ZNF189: variants seen among roughly 807,000 people sequenced by gnomAD.
ZNF189 encodes the protein zinc finger protein 189.
Under a neutral mutation model 53.5 loss-of-function variants are expected in ZNF189, and 33 were observed. The ratio of observed to expected loss-of-function variants is 0.62; its 90% CI spans 0.47 to 0.82. The LOEUF is 0.82. Ranked by LOEUF, ZNF189 falls within the 40% of genes least tolerant of loss-of-function variation. ZNF189 has a pLI of 0.00. For missense variants in ZNF189, 711 were observed against 753.9 expected (o/e 0.94, Z 0.67); for synonymous variants, 247 against 238.8 (o/e 1.03, Z -0.32).
chr9:101,405,774 A>C (rs760744449), intron 2 of ZNF189, among the ~76,000 whole-genome samples: 6 of 152,086 alleles, frequency 3.9e-5, no homozygotes, highest in Non-Finnish European at 5.9e-5. Flanking sequence ...TAACATAAGG[A>C]CTGAAACATG....
chr9:101,408,810 G>A lies in ZNF189; in HGVS notation c.1042G>A (p.Glu348Lys). The A allele has an allele frequency of 1.2e-6, 2 of 1,614,124 alleles. No individual in the cohort carries two copies. The highest frequency in any genetic ancestry group is 1.7e-6 in the Non-Finnish European group (2 of 1,180,028). Residue 348 changes from glutamate to lysine, a missense_variant, in exon 3 of 3, where the codon GAG (glutamate) becomes AAG (lysine). Physicochemically the swap from Glu to Lys is moderately conservative, Grantham distance 56 (BLOSUM62 1). Coordinates refer to ENST00000339664, the MANE Select transcript of ZNF189 (RefSeq NM_003452.4). ...TGGCGAGAAGCCTTTTCTTTGTATTGAGTGTGGAAAAAGTTTCAGTCGGAG... is the reference window on the plus strand; with the variant it reads ...TGGCGAGAAGCCTTTTCTTTGTATTAAGTGTGGAAAAAGTTTCAGTCGGAG... ...HTGEKPFLCI[E>K]CGKSFSRSSF...
chr9:101,402,000 C>T (rs1472721177), intron 2 of ZNF189, among the ~76,000 whole-genome samples: 1 of 152,112 alleles, frequency 6.6e-6, no homozygotes, highest in Admixed American at 6.5e-5. Context: ...CTGCAGCCTC[C>T]ACCTCCTGGG....
intron 2 of ZNF189, among the ~76,000 whole-genome samples, chr9:101,402,147 C>A (rs1465252370): frequency 6.6e-6 from 1 of 152,170 alleles, no homozygotes; most frequent in African/African-American, 2.4e-5. Flanking sequence ...AACTCCCGAT[C>A]TCAGGTGATC....
chr9:101,406,851 T>C (rs1339989817), intron 2 of ZNF189, among the ~76,000 whole-genome samples: 2 of 152,226 alleles, frequency 1.3e-5, no homozygotes, highest in African/African-American at 4.8e-5. Flanking sequence ...CATAGACCAC[T>C]GTGCTGTCTT....
chr9:101,406,948 G>A (rs1233651786), intron 2 of ZNF189, among the ~76,000 whole-genome samples: 2 of 152,146 alleles, frequency 1.3e-5, no homozygotes, highest in Non-Finnish European at 2.9e-5. Flanking sequence ...GTCTTATATT[G>A]TTAGAGGGTT....
rs1200041567 is a variant in ZNF189, at chr9:101,410,132, A to G, written c.*483A>G. ...GCCCAAATGTTTTTAAAACAAGTAT[A>G]CAGTTTTTGTCATTGTTTAAGAAAG... is the stretch of plus-strand genomic sequence containing the variant. On this transcript the variant is annotated 3_prime_UTR_variant, in exon 3 of 3. Coordinates refer to ENST00000339664, the MANE Select transcript of ZNF189 (RefSeq NM_003452.4). The G allele has an allele frequency of 1.9e-5, 3 of 153,862 alleles. No individual in the cohort carries two copies. Among genetic ancestry groups the G allele is most frequent in the Non-Finnish European group, 2.9e-5 (2 of 68,996 alleles). The allele number at this position is 153,862 out of a possible 1,614,324, so 9.5% of individuals were successfully genotyped here. A position where few individuals can be genotyped will look rare whatever the true frequency, so the allele number is the denominator to read the frequency against.
rs1393943735 is a variant in ZNF189 at position 101,399,932 on chromosome 9, T to A, written c.82T>A (p.Trp28Arg). The change falls in exon 2 of 3, where the codon TGG becomes AGG. Residue 28 changes from tryptophan to arginine, a missense_variant. Coordinates refer to ENST00000339664, the MANE Select transcript of ZNF189 (RefSeq NM_003452.4). Reference sequence around the variant, plus strand: ...GGCTGTGTTTTTTACCCAGGAGGAGTGGGATTATCTGGACCCAGCTCAGAG... The same window carrying A: ...GGCTGTGTTTTTTACCCAGGAGGAGAGGGATTATCTGGACCCAGCTCAGAG... ...DVAVFFTQEE[W>R]DYLDPAQRSL... 1 of 1,613,824 alleles carries A rather than the reference T, an allele frequency of 6.2e-7. No homozygotes were observed. Among genetic ancestry groups the A allele is most frequent in the Non-Finnish European group, 8.5e-7 (1 of 1,179,966 alleles).
chr9:101,399,771 A>G, intron 1 of ZNF189, 113 bp from the exon 2 acceptor site: 1 of 1,508,724 alleles, frequency 6.6e-7, no homozygotes, highest in Middle Eastern at 2.0e-4. Context: ...ACTTTCAGTT[A>G]TCATGTTCCT....
At chr9:101,399,751 A>G in intron 1 of ZNF189, 133 bp from the exon 2 acceptor site, 1 of 1,433,976 alleles carries the variant, frequency 7.0e-7, no homozygotes. Context: ...AGAATTGGGC[A>G]ACATATGGAA....
Position 101,407,997 on chromosome 9 carries a change from G to C in ZNF189, c.229G>C (p.Val77Leu). Reference protein sequence around the residue: ...KQEIEEIEEEVEPQGVIVTRI... With the variant: ...KQEIEEIEEELEPQGVIVTRI... ...AGAGATTGAAGAAATTGAGGAAGAAGTGGAACCACAGGGTGTAATAGTTAC... is the reference window on the plus strand; with the variant it reads ...AGAGATTGAAGAAATTGAGGAAGAACTGGAACCACAGGGTGTAATAGTTAC... Residue 77 changes from valine (V) to leucine (L), a missense_variant, in exon 3 of 3, where the codon GTG becomes CTG. Transcript: ENST00000339664. 6.2e-7 allele frequency: 1 copy of C among 1,609,004 alleles called. No individual in the cohort carries two copies. The highest frequency in any genetic ancestry group is 8.5e-7 in the Non-Finnish European group (1 of 1,178,374).
intron 2 of ZNF189, chr9:101,407,612 C>T (rs1281519498): frequency 4.9e-6 from 2 of 410,974 alleles, no homozygotes; most frequent in African/African-American, 4.1e-5. Flanking sequence ...CCAGGCTGGT[C>T]TCAAACTCCT....
rs544987114 is a variant in ZNF189 at position 101,403,857 on chromosome 9, T to C, written c.160+3847T>C. The stretch of plus-strand genomic sequence containing the variant: ...GGATTAGGGCTTCACCATATGAATA[T>C]TTGGTGGGAACACAAACATTCAGTC... On this transcript the variant is annotated intron_variant, in intron 2 of 2. Transcript: ENST00000339664. Among the ~76,000 whole-genome samples, 7 of 152,380 alleles carry C rather than the reference T, an allele frequency of 4.6e-5. No homozygotes were observed. The East Asian group carries it at 1.4e-3, about 29-fold the overall frequency.
In ZNF189 at chr9:101,408,540, A is replaced by G; in HGVS notation, c.772A>G (p.Lys258Glu). ...ACATCAAAGGATTCATACAGGTGAG[A>G]AACCCCATAAATGTAGTGACTGTGG... Reference protein sequence around the residue: ...VKHQRIHTGEKPHKCSDCGKA... With the variant: ...VKHQRIHTGEEPHKCSDCGKA... The change falls in exon 3 of 3, where the codon AAA becomes GAA. Residue 258 changes from lysine (K) to glutamate (E), a missense_variant. Coordinates refer to ENST00000339664, the MANE Select transcript of ZNF189 (RefSeq NM_003452.4). The G allele has an allele frequency of 6.2e-7, 1 of 1,614,208 alleles. No homozygotes were observed. Among genetic ancestry groups the G allele is most frequent in the Non-Finnish European group, 8.5e-7 (1 of 1,180,042 alleles).
intron 2 of ZNF189, among the ~76,000 whole-genome samples, chr9:101,400,595 G>A (rs1301048638): frequency 6.6e-6 from 1 of 152,104 alleles, no homozygotes; most frequent in Non-Finnish European, 1.5e-5. Flanking sequence ...TTCACTATCT[G>A]TCAACTTTTA....
intron 2 of ZNF189, among the ~76,000 whole-genome samples, chr9:101,406,136 CAG>C (rs1316554254): frequency 6.6e-6 from 1 of 151,040 alleles, no homozygotes; most frequent in Non-Finnish European, 1.5e-5. Flanking sequence ...ATGCTGGAAA[CAG>C]AAACCAGATT....
In ZNF189 at chr9:101,410,415, C is replaced by T. The variant is rs558821986; in HGVS notation, c.*766C>T. ...TAGTCCTATGTGAATGAGCTTATCC[C>T]TCCACAACCAGGTGCATATGAAAGT... On this transcript the variant is annotated 3_prime_UTR_variant, in exon 3 of 3. Coordinates refer to ENST00000339664, the MANE Select transcript of ZNF189 (RefSeq NM_003452.4). 1 of 152,556 alleles carries T rather than the reference C, an allele frequency of 6.6e-6. No homozygotes were observed. The highest frequency in any genetic ancestry group is 2.4e-5 in the African/African-American group (1 of 41,428). 9.5% of individuals were successfully genotyped at this position (152,556 alleles called of 1,614,324 possible). A position where few individuals can be genotyped will look rare whatever the true frequency, so the allele number is the denominator to read the frequency against.
chr9:101,407,866 A>G (rs1830770825), intron 2 of ZNF189, 63 bp from the exon 3 acceptor site: 6 of 1,425,250 alleles, frequency 4.2e-6, no homozygotes, highest in Non-Finnish European at 5.6e-6. Flanking sequence ...TGCCCATCTT[A>G]CTTTGTTTCT....
At chr9:101,403,754 A>T (rs919909257) in intron 2 of ZNF189, among the ~76,000 whole-genome samples, 17 of 152,144 alleles carry the variant, frequency 1.1e-4, no homozygotes, top group Admixed American at 3.3e-4. Context: ...TAATCCCATC[A>T]TGGGGGCCCA....
At position 101,398,863 on chromosome 9, in the gene ZNF189, A is replaced by G; in HGVS notation, c.-294A>G. On this transcript the variant is annotated 5_prime_UTR_variant, in exon 1 of 3. Coordinates refer to ENST00000339664, the MANE Select transcript of ZNF189 (RefSeq NM_003452.4). ...TCCGGGGGCGGGCGGTCATAGCGTT[A>G]CTTGGCTGCAAGGAGGAGGAACTGG... The G allele has an allele frequency of 1.7e-6, 1 of 578,990 alleles. No homozygotes were observed. Among genetic ancestry groups the G allele is most frequent in the Non-Finnish European group, 3.1e-6 (1 of 325,488 alleles). The allele number at this position is 578,990 out of a possible 1,614,324, so 35.9% of individuals were successfully genotyped here. A position where few individuals can be genotyped will look rare whatever the true frequency, so the allele number is the denominator to read the frequency against.
Sources: allele counts gnomAD v4.1 joint callset (sites outside exome capture counted in the v4.1 genomes callset), GRCh38; gene constraint gnomAD v4.1.1; transcripts MANE v1.5; gene names NCBI Gene and HGNC (gene_info 2026-07-23, HGNC 2026-07-21).